BRMS1L: variants seen among roughly 807,000 people sequenced by gnomAD.
BRMS1L encodes the protein breast cancer metastasis-suppressor 1-like protein.
BRMS1L carries 23 observed loss-of-function variants against 50.3 expected under a neutral mutation model. The observed-to-expected ratio is 0.46, with a 90% CI of 0.33 to 0.65. The LOEUF is 0.65. Among genes scored for constraint, BRMS1L ranks in the 30% least tolerant of loss-of-function variants. The pLI, the probability that BRMS1L is intolerant of heterozygous loss-of-function variation, is 0.02. For synonymous variants in BRMS1L, 114 were observed against 126.9 expected (o/e 0.90, Z 0.69); for missense variants, 286 against 386.1 (o/e 0.74, Z 2.17).
chr14:35,847,782 GTTTAT>G (rs1316827181), intron 4 of BRMS1L, among the ~76,000 whole-genome samples: 2 of 152,160 alleles, frequency 1.3e-5, no homozygotes, highest in African/African-American at 4.8e-5. Flanking sequence ...TGTCTGACTA[GTTTAT>G]ATACCTCACA....
At chr14:35,839,226 C>T (rs1435225710) in intron 4 of BRMS1L, among the ~76,000 whole-genome samples, 4 of 152,096 alleles carry the variant, frequency 2.6e-5, no homozygotes, top group Non-Finnish European at 5.9e-5. Flanking sequence ...TTCCATTGGC[C>T]TATATGTCTG....
In BRMS1L at chr14:35,852,856, G is replaced by A. The variant is rs141491558; in HGVS notation, c.442-9734G>A. ...TGAGGCAGGAGAATGGCGTGAACCCGGGAGGCGAAGCTTGCAGTGAGCCGA... is the reference window on the plus strand; with the variant it reads ...TGAGGCAGGAGAATGGCGTGAACCCAGGAGGCGAAGCTTGCAGTGAGCCGA... On this transcript the variant is annotated intron_variant, in intron 4 of 9. Coordinates refer to ENST00000216807, the MANE Select transcript of BRMS1L (RefSeq NM_032352.4). 4.7e-3 allele frequency among the ~76,000 whole-genome samples: 712 copies of A among 152,182 alleles called. 9 individuals carry two copies. Among genetic ancestry groups the A allele is most frequent in the African/African-American group, 0.016 (681 of 41,522 alleles).
At chr14:35,829,929 T>C (rs1053650922) in intron 1 of BRMS1L, 2 of 936,212 alleles carry the variant, frequency 2.1e-6, no homozygotes, top group Admixed American at 1.1e-4. Flanking sequence ...TTGCTTTCCT[T>C]AAAAAGTTTG....
At chr14:35,842,084 G>A (rs1409802514) in intron 4 of BRMS1L, among the ~76,000 whole-genome samples, 2 of 147,956 alleles carry the variant, frequency 1.4e-5, no homozygotes, top group African/African-American at 5.0e-5. Context: ...CTTTGCACGT[G>A]AGATGCGTCT....
In BRMS1L at chr14:35,863,915, C is replaced by A; in HGVS notation, c.584C>A (p.Pro195His). 1 of 1,613,994 alleles carries A rather than the reference C, an allele frequency of 6.2e-7. No homozygotes were observed. The highest frequency in any genetic ancestry group is 8.5e-7 in the Non-Finnish European group (1 of 1,179,972). ...CAGTCAAGAAAAAAGAGGAAGGATC[C>A]TTTCAGTCCTGACAAAAAGAAGCCA... ...ELQSRKKRKD[P>H]FSPDKKKPVV... Residue 195 changes from proline (P) to histidine (H), a missense_variant, in exon 6 of 10, where the codon CCT (proline) becomes CAT (histidine). Physicochemically the swap from Pro to His is moderately conservative, Grantham distance 77. This residue lies in a region of BRMS1L where 160 missense variants were observed against 240.6 expected (regional missense o/e 0.66). Coordinates refer to ENST00000216807, the MANE Select transcript of BRMS1L (RefSeq NM_032352.4).
intron 2 of BRMS1L, 133 bp downstream of exon 2, chr14:35,831,633 A>G: frequency 1.5e-6 from 1 of 662,392 alleles, no homozygotes; most frequent in Non-Finnish European, 2.6e-6. Context: ...AGAGGCTTCA[A>G]CTATTGTTTG....
chr14:35,846,911 A>G (rs2078142365), intron 4 of BRMS1L, among the ~76,000 whole-genome samples: 1 of 151,832 alleles, frequency 6.6e-6, no homozygotes, highest in Admixed American at 6.6e-5. Flanking sequence ...TCTTTCCCTT[A>G]CTGAGGGAAA....
At position 35,863,778 on chromosome 14, in the gene BRMS1L, A is replaced by G. The variant is rs189407398; in HGVS notation, c.539-92A>G. ...CCAATGAAGTTTTTTACGTTTTTAC[A>G]TGTAACTAAATAGCCACCATAAAAT... On this transcript the variant is annotated intron_variant, in intron 5 of 9. Coordinates refer to ENST00000216807, the MANE Select transcript of BRMS1L (RefSeq NM_032352.4). The G allele has an allele frequency of 4.2e-4, 477 of 1,147,822 alleles. 3 individuals are homozygous for G. The East Asian group carries it at 0.011, about 25-fold the overall frequency. The allele number at this position is 1,147,822 out of a possible 1,614,324, so 71.1% of individuals were successfully genotyped here.
chr14:35,828,801 A>G (rs1280135075), intron 1 of BRMS1L, among the ~76,000 whole-genome samples: 1 of 152,134 alleles, frequency 6.6e-6, no homozygotes, highest in Non-Finnish European at 1.5e-5. Flanking sequence ...AGATTGCCCA[A>G]CTGACAAATG....
At chr14:35,857,277 A>G (rs2078293582) in intron 4 of BRMS1L, among the ~76,000 whole-genome samples, 1 of 145,600 alleles carries the variant, frequency 6.9e-6, no homozygotes, top group Non-Finnish European at 1.5e-5. Context: ...ATATATACAT[A>G]TATATGTGTG....
At chr14:35,856,194 C>T (rs550969022) in intron 4 of BRMS1L, among the ~76,000 whole-genome samples, 86 of 152,264 alleles carry the variant, frequency 5.6e-4, no homozygotes, top group Middle Eastern at 3.4e-3. Context: ...GGCATGCATA[C>T]AGAAAGTGTC....
chr14:35,855,129 T>C (rs1456803411), intron 4 of BRMS1L, among the ~76,000 whole-genome samples: 1 of 152,258 alleles, frequency 6.6e-6, no homozygotes, highest in Non-Finnish European at 1.5e-5. Flanking sequence ...GTTTCCCAGA[T>C]AGCCCTGAAA....
At position 35,826,400 on chromosome 14, in the gene BRMS1L, C is replaced by A. The variant is rs2077841990; in HGVS notation, c.-117C>A. Reference sequence around the variant, plus strand: ...GGCCCGGGCCGGGGGCGGGGAGGAGCCAAGGGGGCGAGCAAGCTCGGTGGC... The same window carrying A: ...GGCCCGGGCCGGGGGCGGGGAGGAGACAAGGGGGCGAGCAAGCTCGGTGGC... On this transcript the variant is annotated 5_prime_UTR_variant, in exon 1 of 10. Coordinates refer to ENST00000216807, the MANE Select transcript of BRMS1L (RefSeq NM_032352.4). The A allele has an allele frequency of 6.8e-7, 1 of 1,474,072 alleles. No individual in the cohort carries two copies. Among genetic ancestry groups the A allele is most frequent in the Non-Finnish European group, 9.2e-7 (1 of 1,092,462 alleles). 91.3% of individuals were successfully genotyped at this position (1,474,072 alleles called of 1,614,324 possible). A position where few individuals can be genotyped will look rare whatever the true frequency, so the allele number is the denominator to read the frequency against.
At chr14:35,849,930 G>A (rs545219989) in intron 4 of BRMS1L, among the ~76,000 whole-genome samples, 8 of 148,632 alleles carry the variant, frequency 5.4e-5, no homozygotes, top group South Asian at 2.2e-4. Context: ...AGCGATTCTC[G>A]TGCCCCAGCC....
chr14:35,838,850 G>T (rs1419456369), intron 4 of BRMS1L, among the ~76,000 whole-genome samples: 1 of 152,038 alleles, frequency 6.6e-6, no homozygotes, highest in East Asian at 1.9e-4. Flanking sequence ...AGTTTCTTTT[G>T]CTCTGCAGAA....
chr14:35,826,557 A>G lies in BRMS1L; in HGVS notation c.41A>G (p.His14Arg). The G allele has an allele frequency of 6.2e-7, 1 of 1,605,372 alleles. No homozygotes were observed. Among genetic ancestry groups the G allele is most frequent in the Non-Finnish European group, 8.5e-7 (1 of 1,176,702 alleles). The change falls in exon 1 of 10, where the codon CAT becomes CGT. Residue 14 changes from histidine (H) to arginine (R), a missense_variant. Around this residue, in one of 5 missense-constraint regions of BRMS1L, gnomAD observed 66 missense variants for 67.8 expected, o/e 0.97. Coordinates refer to ENST00000216807, the MANE Select transcript of BRMS1L (RefSeq NM_032352.4). ...CGAGGGGATAAGAAGGAGACCAACCATCACGATGAGATGGAGGTGGACTAC... is the reference window on the plus strand; with the variant it reads ...CGAGGGGATAAGAAGGAGACCAACCGTCACGATGAGATGGAGGTGGACTAC... ...HSRGDKKETN[H>R]HDEMEVDYAE...
chr14:35,856,209 A>G (rs900036855), intron 4 of BRMS1L, among the ~76,000 whole-genome samples: 5 of 152,226 alleles, frequency 3.3e-5, no homozygotes, highest in Non-Finnish European at 7.4e-5. Flanking sequence ...AGTGTCCCCA[A>G]AACCACAGGG....
At chr14:35,829,371 CTT>C (rs1567297832) in intron 1 of BRMS1L, among the ~76,000 whole-genome samples, 4 of 152,174 alleles carry the variant, frequency 2.6e-5, no homozygotes, top group Admixed American at 1.3e-4. Flanking sequence ...TATGTTGACT[CTT>C]GTGATTTTTA....
chr14:35,857,612 C>T lies in BRMS1L; in HGVS notation c.442-4978C>T, dbSNP rs115352865. On this transcript the variant is annotated intron_variant, in intron 4 of 9. Coordinates refer to ENST00000216807, the MANE Select transcript of BRMS1L (RefSeq NM_032352.4). The stretch of plus-strand genomic sequence containing the variant: ...CTGGAATTATAAGTGTGAGCCACTG[C>T]GCCTGGCCCTCATATTTCTAAATAA... 8.4e-3 allele frequency among the ~76,000 whole-genome samples: 1,273 copies of T among 152,076 alleles called. 22 individuals carry two copies. Among genetic ancestry groups the T allele is most frequent in the African/African-American group, 0.029 (1,202 of 41,492 alleles).
Sources: gnomAD v4.1 joint callset for allele counts (sites outside exome capture counted in the v4.1 genomes callset) on GRCh38, gnomAD v4.1.1 for gene constraint, gnomAD v4.1.1 regional missense constraint, MANE v1.5 for transcripts, NCBI Gene and HGNC (gene_info 2026-07-23, HGNC 2026-07-21) for gene names.